NECTIN3: variants seen among roughly 807,000 people sequenced by gnomAD.
NECTIN3 encodes the protein nectin-3.
Under a neutral mutation model 49.4 loss-of-function variants are expected in NECTIN3, and 8 were observed. That is an observed-to-expected ratio of 0.16 (90% CI 0.10 to 0.29). The LOEUF (loss-of-function observed/expected upper bound fraction) is 0.29. Ranked by LOEUF, NECTIN3 falls within the 10% of genes least tolerant of loss-of-function variation. The pLI, the probability that NECTIN3 is intolerant of heterozygous loss-of-function variation, is 1.00. For missense variants in NECTIN3, 581 were observed against 654.6 expected (o/e 0.89, Z 1.23); for synonymous variants, 277 against 241.1 (o/e 1.15, Z -1.38).
At chr3:111,125,022 C>CTTTTTTTTTTTTTT (rs869201432) in intron 4 of NECTIN3, among the ~76,000 whole-genome samples, 12 of 90,210 alleles carry the variant, frequency 1.3e-4, no homozygotes, top group Non-Finnish European at 2.2e-4. Flanking sequence ...TCTTTTCTTT[C>CTTTTTTTTTTTTTT]TTTTTTTTTT....
At chr3:111,163,646 A>ATGG (rs1482252516) in intron 7 of NECTIN3, among the ~76,000 whole-genome samples, 1 of 152,212 alleles carries the variant, frequency 6.6e-6, no homozygotes, top group Non-Finnish European at 1.5e-5. Flanking sequence ...ATGTCATTGG[A>ATGG]TGGTCATAAC....
At chr3:111,138,275 T>C (rs944070812), downstream of NECTIN3, among the ~76,000 whole-genome samples, 9 of 151,672 alleles carry the variant, frequency 5.9e-5, no homozygotes, top group African/African-American at 1.9e-4. Context: ...ACCAGGGTTT[T>C]TCTTTGATAA....
intron 7 of NECTIN3, among the ~76,000 whole-genome samples, chr3:111,180,527 A>G (rs1441535976): frequency 6.6e-6 from 1 of 152,242 alleles, no homozygotes; most frequent in Non-Finnish European, 1.5e-5. Context: ...TCTCATAACT[A>G]TTTAAAAAAG....
chr3:111,151,202 G>A (rs1421483537), intron 7 of NECTIN3, among the ~76,000 whole-genome samples: 1 of 151,826 alleles, frequency 6.6e-6, no homozygotes, highest in African/African-American at 2.4e-5. Flanking sequence ...TTTAATATAT[G>A]TGGAATAACT....
At chr3:111,172,864 AG>A (rs967136199) in intron 7 of NECTIN3, among the ~76,000 whole-genome samples, 4 of 152,194 alleles carry the variant, frequency 2.6e-5, no homozygotes, top group Non-Finnish European at 5.9e-5. Context: ...TATATTATCC[AG>A]TTTCCTCAGG....
intron 1 of NECTIN3, among the ~76,000 whole-genome samples, chr3:111,084,056 G>C (rs1234232806): frequency 6.6e-6 from 1 of 152,142 alleles, no homozygotes; most frequent in African/African-American, 2.4e-5. Flanking sequence ...GCAAGGTCCA[G>C]GAAAAGAGAT....
chr3:111,126,189 A>G lies in NECTIN3; in HGVS notation c.923A>G (p.Asp308Gly). 1 of 1,560,688 alleles carries G rather than the reference A, an allele frequency of 6.4e-7. No homozygotes were observed. The highest frequency in any genetic ancestry group is 8.6e-7 in the Non-Finnish European group (1 of 1,160,716). The part of the protein sequence containing the change: ...PPFKSVWSRL[D>G]GQWPDGLLAS... Reference sequence around the variant, plus strand: ...TTATGCATTTTAAAATCTAGGTTGGATGGACAATGGCCTGATGGTTTATTG... The same window carrying G: ...TTATGCATTTTAAAATCTAGGTTGGGTGGACAATGGCCTGATGGTTTATTG... Residue 308 changes from aspartate (D) to glycine (G), a missense_variant, in exon 5 of 6, where the codon GAT becomes GGT. Asp to Gly is a moderately conservative substitution (Grantham distance 94). Around this residue, in one of 3 missense-constraint regions of NECTIN3, gnomAD observed 234 missense variants for 340.6 expected, o/e 0.69. Coordinates refer to ENST00000485303, the MANE Select transcript of NECTIN3 (RefSeq NM_015480.3).
chr3:111,178,345 T>G (rs1389548033), intron 7 of NECTIN3, among the ~76,000 whole-genome samples: 1 of 152,218 alleles, frequency 6.6e-6, no homozygotes, highest in Non-Finnish European at 1.5e-5. Flanking sequence ...CATTACAATC[T>G]ATAATATTAC....
downstream of NECTIN3, among the ~76,000 whole-genome samples, chr3:111,141,847 T>C (rs2034754312): frequency 6.6e-6 from 1 of 151,986 alleles, no homozygotes; most frequent in Non-Finnish European, 1.5e-5. Context: ...TAATGTTTCA[T>C]GTCATTCACT....
chr3:111,168,483 C>T (rs957747120), intron 7 of NECTIN3, among the ~76,000 whole-genome samples: 1 of 152,052 alleles, frequency 6.6e-6, no homozygotes, highest in East Asian at 1.9e-4. Context: ...TATCTGTATA[C>T]ACACATATAT....
At chr3:111,127,776 C>T (rs1205427628) in intron 5 of NECTIN3, among the ~76,000 whole-genome samples, 1 of 151,896 alleles carries the variant, frequency 6.6e-6, no homozygotes, top group Non-Finnish European at 1.5e-5. Flanking sequence ...CTATGTTGTC[C>T]AGGCTGGTCG....
chr3:111,189,238 A>G (rs2035773639), upstream of NECTIN3, among the ~76,000 whole-genome samples: 2 of 152,152 alleles, frequency 1.3e-5, no homozygotes. Context: ...TCACACTATT[A>G]GACATGAGGG....
chr3:111,087,996 C>A (rs930748017), intron 1 of NECTIN3, among the ~76,000 whole-genome samples: 2 of 152,060 alleles, frequency 1.3e-5, no homozygotes, highest in African/African-American at 4.8e-5. Flanking sequence ...CTGTGCCTGG[C>A]AGAAGAAGCC....
At chr3:111,149,459 A>ATGTGTGTGTGTGTGTG (rs56219611) in intron 7 of NECTIN3, among the ~76,000 whole-genome samples, 22 of 128,404 alleles carry the variant, frequency 1.7e-4, no homozygotes, top group African/African-American at 1.7e-4. Context: ...TTCTGGTAGG[A>ATGTGTGTGTGTGTGTG]TGTGTGTGTG....
intron 5 of NECTIN3, among the ~76,000 whole-genome samples, chr3:111,127,351 C>T (rs902319866): frequency 6.6e-5 from 10 of 152,074 alleles, no homozygotes; most frequent in East Asian, 1.9e-4. Context: ...GTTGTATGCT[C>T]ATTTCTTTGC....
intron 1 of NECTIN3, among the ~76,000 whole-genome samples, chr3:111,081,053 ATTGT>A (rs1354899834): frequency 6.6e-6 from 1 of 152,098 alleles, no homozygotes. Flanking sequence ...AGGCAGGAGG[ATTGT>A]TTGAGCCCAA....
In NECTIN3 at chr3:111,136,804, G is replaced by C; in HGVS notation, c.*2589G>C. 2 of 941,376 alleles carry C rather than the reference G, an allele frequency of 2.1e-6. No individual in the cohort carries two copies. Among genetic ancestry groups the C allele is most frequent in the Non-Finnish European group, 2.5e-6 (2 of 790,236 alleles). The allele number at this position is 941,376 out of a possible 1,614,324, so 58.3% of individuals were successfully genotyped here. A position where few individuals can be genotyped will look rare whatever the true frequency, so the allele number is the denominator to read the frequency against. On this transcript the variant is annotated 3_prime_UTR_variant, in exon 6 of 6. Coordinates refer to ENST00000485303, the MANE Select transcript of NECTIN3 (RefSeq NM_015480.3). The stretch of plus-strand genomic sequence containing the variant: ...TTCATACTGGTTAAAATATTTCAAT[G>C]ATATAATGAAGATGAATGCAACTCT...
chr3:111,073,026 TA>T (rs754143014), intron 1 of NECTIN3: 11,657 of 93,010 alleles, frequency 0.13, 543 homozygotes, highest in South Asian at 0.18. Context: ...AGGACTGTGC[TA>T]AAAAAAAAAA....
chr3:111,080,529 A>G (rs1559764200), intron 1 of NECTIN3, among the ~76,000 whole-genome samples: 1 of 152,174 alleles, frequency 6.6e-6, no homozygotes, highest in Non-Finnish European at 1.5e-5. Context: ...ACAGTCATCT[A>G]AAATAGTCAC....
Sources: gnomAD v4.1 joint callset for allele counts (sites outside exome capture counted in the v4.1 genomes callset) on GRCh38, gnomAD v4.1.1 for gene constraint, gnomAD v4.1.1 regional missense constraint, MANE v1.5 for transcripts, NCBI Gene and HGNC (gene_info 2026-07-23, HGNC 2026-07-21) for gene names.